EBPL: variants seen among roughly 807,000 people sequenced by gnomAD.
The protein encoded by EBPL is EBP like, also known as emopamil-binding protein-like.
Under a neutral mutation model 19.0 loss-of-function variants are expected in EBPL, and 20 were observed. The observed-to-expected ratio is 1.05, with a 90% CI of 0.74 to 1.53. The LOEUF (loss-of-function observed/expected upper bound fraction) is 1.53, where lower values mean the gene tolerates loss of function less well. EBPL is among the 40% of genes most tolerant of loss of function. The pLI is 0.00. For synonymous variants in EBPL, 107 were observed against 117.0 expected (o/e 0.91, Z 0.55); for missense variants, 219 against 261.1 (o/e 0.84, Z 1.11).
At chr13:49,691,149 C>G (rs915118579) in intron 1 of EBPL, 105 bp downstream of exon 1, 2 of 1,043,326 alleles carry the variant, frequency 1.9e-6, no homozygotes, top group East Asian at 3.6e-5. Context: ...GGGGGAGGGG[C>G]GGCCAGCTCG....
At chr13:49,669,264 A>G (rs1315371671) in intron 2 of EBPL, among the ~76,000 whole-genome samples, 1 of 151,870 alleles carries the variant, frequency 6.6e-6, no homozygotes, top group Non-Finnish European at 1.5e-5. Context: ...GCAGTGGTGC[A>G]ACTGTGACTC....
At position 49,681,651 on chromosome 13, in the gene EBPL, CTCAGA is replaced by C. The variant is rs369955013; in HGVS notation, c.171+9598_171+9602del. Among the ~76,000 whole-genome samples, 66 of 152,346 alleles carry C rather than the reference CTCAGA, an allele frequency of 4.3e-4. 1 individual carries two copies. The highest frequency in any genetic ancestry group is 2.9e-3 in the South Asian group (14 of 4,828). On this transcript the variant is annotated intron_variant, in intron 1 of 3. Transcript: ENST00000242827. ...ACTTAAAGACAGCTATAAGTCAAAG[CTCAGA>C]TCAAACAAATGATTAAGTTATGCCA...
chr13:49,683,706 C>T (rs1452100653), intron 1 of EBPL, among the ~76,000 whole-genome samples: 1 of 152,104 alleles, frequency 6.6e-6, no homozygotes, highest in Admixed American at 6.5e-5. Context: ...CACAAAAATG[C>T]TAAGTTTTGG....
intron 2 of EBPL, among the ~76,000 whole-genome samples, chr13:49,666,256 G>A (rs925065657): frequency 6.6e-6 from 1 of 152,170 alleles, no homozygotes; most frequent in African/African-American, 2.4e-5. Context: ...CTGCTACTGA[G>A]GGGACAAGCA....
At chr13:49,678,739 C>T (rs527250101) in intron 1 of EBPL, among the ~76,000 whole-genome samples, 14 of 152,260 alleles carry the variant, frequency 9.2e-5, no homozygotes, top group African/African-American at 2.9e-4. Flanking sequence ...AGTGCAGCCG[C>T]GGGCTGAAGG....
intron 1 of EBPL, among the ~76,000 whole-genome samples, chr13:49,676,098 G>C (rs1953873000): frequency 6.6e-6 from 1 of 152,158 alleles, no homozygotes; most frequent in Non-Finnish European, 1.5e-5. Context: ...ATCATCACTT[G>C]GAATTTGAAA....
At chr13:49,675,115 A>G (rs1953862119) in intron 1 of EBPL, among the ~76,000 whole-genome samples, 1 of 152,186 alleles carries the variant, frequency 6.6e-6, no homozygotes, top group Non-Finnish European at 1.5e-5. Flanking sequence ...GCATCATTAG[A>G]CAGTTTTGTC....
At position 49,669,810 on chromosome 13, in the gene EBPL, C is replaced by T. The variant is rs1171601749; in HGVS notation, c.208G>A (p.Val70Ile). The T allele has an allele frequency of 5.6e-6, 9 of 1,614,092 alleles. No homozygotes were observed. Among genetic ancestry groups the T allele is most frequent in the African/African-American group, 2.7e-5 (2 of 75,046 alleles). Residue 70 changes from valine (V) to isoleucine (I), a missense_variant, in exon 2 of 4, where the codon GTT (valine) becomes ATT (isoleucine). By Grantham distance (29) the Val-to-Ile change is conservative (BLOSUM62 3). Around this residue, in one of 2 missense-constraint regions of EBPL, gnomAD observed 170 missense variants for 167.0 expected, o/e 1.02. Transcript: ENST00000242827. ...PFVYLSLVGNVANSDGLIASL... is the reference protein window; with the variant it reads ...PFVYLSLVGNIANSDGLIASL... ...GCAATCAAGCCATCGGAATTTGCAA[C>T]GTTTCCTACTAAAGACAAGTAGACA...
At position 49,686,528 on chromosome 13, in the gene EBPL, T is replaced by C. The variant is rs774118681; in HGVS notation, c.171+4726A>G. On this transcript the variant is annotated intron_variant, in intron 1 of 3. Coordinates refer to ENST00000242827, the MANE Select transcript of EBPL (RefSeq NM_032565.5). The stretch of plus-strand genomic sequence containing the variant: ...GTGCTACAGCAATTTATCAGTGTTC[T>C]TGAAATTCCATTCTGTGGATCCCAG... 6 of 1,289,772 alleles carry C rather than the reference T, an allele frequency of 4.7e-6. No individual in the cohort carries two copies. In the South Asian group the frequency reaches 6.2e-5, roughly 13 times the overall value. 79.9% of individuals were successfully genotyped at this position (1,289,772 alleles called of 1,614,324 possible).
chr13:49,681,106 T>C (rs1371729285), intron 1 of EBPL, among the ~76,000 whole-genome samples: 1 of 152,208 alleles, frequency 6.6e-6, no homozygotes, highest in Non-Finnish European at 1.5e-5. Context: ...ATAATACTTA[T>C]TTAAGTTCTG....
intron 1 of EBPL, among the ~76,000 whole-genome samples, chr13:49,678,664 T>G (rs1490936698): frequency 6.6e-6 from 1 of 151,320 alleles, no homozygotes; most frequent in Non-Finnish European, 1.5e-5. Context: ...CGCCTCTCCC[T>G]CCACACCTCT....
intron 1 of EBPL, among the ~76,000 whole-genome samples, chr13:49,688,718 CAAAAAAA>C (rs56059575): frequency 3.1e-5 from 3 of 95,390 alleles, no homozygotes; most frequent in East Asian, 3.0e-4. Flanking sequence ...GACTCCGTCT[CAAAAAAA>C]AAAAAAAAAA....
At chr13:49,690,043 G>C (rs907302013) in intron 1 of EBPL, among the ~76,000 whole-genome samples, 1 of 151,840 alleles carries the variant, frequency 6.6e-6, no homozygotes, top group South Asian at 2.1e-4. Context: ...CCAGCTACTC[G>C]GGAGGCTGAG....
intron 1 of EBPL, among the ~76,000 whole-genome samples, chr13:49,670,730 GATATATT>G (rs1261608669): frequency 4.6e-5 from 7 of 152,124 alleles, no homozygotes; most frequent in Non-Finnish European, 1.0e-4. Flanking sequence ...TCGAGTTTCT[GATATATT>G]ATTCTATTAC....
In EBPL at chr13:49,661,102, G is replaced by C. The variant is rs1965138959; in HGVS notation, c.487C>G (p.Leu163Val). The change falls in exon 4 of 4, where the codon CTG (leucine) becomes GTG (valine). Residue 163 changes from leucine to valine, a missense_variant. Coordinates refer to ENST00000242827, the MANE Select transcript of EBPL (RefSeq NM_032565.5). ...AAAAACAGGTAAAGCCAACAGTACA[G>C]CCAGTTGCTGGTGTTGAGGTTGGGG... ...RSPNLNTSNW[L>V]YCWLYLFFFN... is the part of the protein sequence containing the mutation. The C allele has an allele frequency of 1.2e-6, 2 of 1,614,188 alleles. No individual in the cohort carries two copies. Among genetic ancestry groups the C allele is most frequent in the Non-Finnish European group, 1.7e-6 (2 of 1,180,040 alleles).
chr13:49,688,394 C>T (rs896277352), intron 1 of EBPL, among the ~76,000 whole-genome samples: 9 of 151,954 alleles, frequency 5.9e-5, no homozygotes, highest in African/African-American at 1.7e-4. Context: ...TGATGGCAGC[C>T]AAAAAACCTA....
intron 2 of EBPL, among the ~76,000 whole-genome samples, chr13:49,669,145 C>T (rs1953783084): frequency 6.6e-6 from 1 of 152,180 alleles, no homozygotes; most frequent in African/African-American, 2.4e-5. Context: ...TCCCAAAGTG[C>T]TGGGATTACA....
At chr13:49,690,230 C>T (rs1468985827) in intron 1 of EBPL, among the ~76,000 whole-genome samples, 1 of 151,112 alleles carries the variant, frequency 6.6e-6, no homozygotes, top group Admixed American at 6.6e-5. Flanking sequence ...ATTCACTGTC[C>T]CTTATCTCTA....
At chr13:49,682,273 A>G (rs1456000448) in intron 1 of EBPL, among the ~76,000 whole-genome samples, 1 of 152,192 alleles carries the variant, frequency 6.6e-6, no homozygotes, top group Non-Finnish European at 1.5e-5. Context: ...ATACTGTTTG[A>G]TTTAGGACTT....
Sources: gnomAD v4.1 joint callset for allele counts (sites outside exome capture counted in the v4.1 genomes callset) on GRCh38, gnomAD v4.1.1 for gene constraint, gnomAD v4.1.1 regional missense constraint, MANE v1.5 for transcripts, NCBI Gene and HGNC (gene_info 2026-07-23, HGNC 2026-07-21) for gene names.